The following CPT2 variants were observed in gnomAD, a reference collection of about 807,000 sequenced individuals.
CPT2 encodes the protein carnitine palmitoyltransferase 2.
In CPT2, 37 loss-of-function variants were observed where a neutral mutation model predicts 48.6. That is an observed-to-expected ratio of 0.76 (90% CI 0.59 to 1.00). The LOEUF is 1.00. Ranked by LOEUF, CPT2 falls within the 50% of genes least tolerant of loss-of-function variation. The probability of loss-of-function intolerance (pLI) is 0.00; values close to 1 mark genes in which losing one functional copy is unlikely to be tolerated. For missense variants in CPT2, 772 were observed against 825.6 expected (o/e 0.94, Z 0.80); for synonymous variants, 319 against 326.9 (o/e 0.98, Z 0.26).
rs1645324656 is a variant in CPT2, at chr1:53,196,940, G to C, written c.-4G>C. On this transcript the variant is annotated 5_prime_UTR_variant, in exon 1 of 5. Coordinates refer to ENST00000371486, the MANE Select transcript of CPT2 (RefSeq NM_000098.3). ...CGTTCTCGCCGCCGCAGGCTCCCGG[G>C]ACGATGGTGCCCCGCCTGCTGCTGC... The C allele has an allele frequency of 3.2e-6, 5 of 1,545,632 alleles. No individual in the cohort carries two copies. Among genetic ancestry groups the C allele is most frequent in the Non-Finnish European group, 4.3e-6 (5 of 1,154,722 alleles).
chr1:53,210,210 A>G lies in CPT2; in HGVS notation c.536A>G (p.Asn179Ser), dbSNP rs1645412931. 1 of 1,613,624 alleles carries G rather than the reference A, an allele frequency of 6.2e-7. No homozygotes were observed. Among genetic ancestry groups the G allele is most frequent in the Admixed American group, 1.7e-5 (1 of 59,974 alleles). ...GLLEPEVFHL[N>S]PAKSDTITFK... ...CTGGAGCCAGAAGTGTTCCACTTGA[A>G]CCCTGCAAAAAGTGACACTATCACC... Residue 179 changes from asparagine (N) to serine (S), a missense_variant, in exon 4 of 5, where the codon AAC (asparagine) becomes AGC (serine). Asn to Ser is a conservative substitution (Grantham distance 46). Coordinates refer to ENST00000371486, the MANE Select transcript of CPT2 (RefSeq NM_000098.3).
intron 3 of CPT2, among the ~76,000 whole-genome samples, chr1:53,206,672 A>G (rs1250471556): frequency 1.3e-5 from 2 of 152,156 alleles, no homozygotes; most frequent in Admixed American, 1.3e-4. Context: ...GTTTTGGCCA[A>G]TTTCTCCCTT....
intron 1 of CPT2, chr1:53,200,515 T>G: frequency 1.9e-6 from 1 of 535,160 alleles, no homozygotes; most frequent in Non-Finnish European, 3.4e-6. Context: ...TACTTAAAGA[T>G]TTAGTTGTTA....
In CPT2 at chr1:53,196,859, G is replaced by C; in HGVS notation, c.-85G>C. On this transcript the variant is annotated 5_prime_UTR_variant, in exon 1 of 5. Transcript: ENST00000371486. ...CTCAGGAGTCCTGACGCAGTGTCTT[G>C]GGCGCTAACGGCGGCGGCGGCCTTG... The C allele has an allele frequency of 6.7e-7, 1 of 1,494,670 alleles. No homozygotes were observed. The highest frequency in any genetic ancestry group is 9.0e-7 in the Non-Finnish European group (1 of 1,116,450). 92.6% of individuals were successfully genotyped at this position (1,494,670 alleles called of 1,614,324 possible). A position where few individuals can be genotyped will look rare whatever the true frequency, so the allele number is the denominator to read the frequency against.
At chr1:53,202,962 A>G (rs907923001) in intron 3 of CPT2, 1 of 165,994 alleles carries the variant, frequency 6.0e-6, no homozygotes, top group African/African-American at 2.4e-5. Flanking sequence ...TTTCCTTTCC[A>G]TTCAGAGTTG....
Position 53,210,967 on chromosome 1 carries a change from G to A in CPT2, c.1293G>A (p.Lys431=). ...TAAAGACTGGCATCACAGCTGCTAA[G>A]GAAAAGTTTGATGCCACCATGAAAA... ...DALKTGITAA[K]EKFDATMKTL... The change falls in exon 4 of 5, where the codon AAG becomes AAA. Residue 431 remains lysine, a synonymous_variant. Transcript: ENST00000371486. 6.2e-7 allele frequency: 1 copy of A among 1,614,192 alleles called. No homozygotes were observed. The highest frequency in any genetic ancestry group is 8.5e-7 in the Non-Finnish European group (1 of 1,180,034).
chr1:53,202,214 G>A lies in CPT2; in HGVS notation c.234-109G>A, dbSNP rs1645357695. On this transcript the variant is annotated intron_variant, in intron 2 of 4. Transcript: ENST00000371486. ...CTTTCTGATCTCATTCCAGGTTTTAGGGCTATGCTGTTGGGGACCCAAAAC... is the reference window on the plus strand; with the variant it reads ...CTTTCTGATCTCATTCCAGGTTTTAAGGCTATGCTGTTGGGGACCCAAAAC... The A allele has an allele frequency of 5.1e-6, 4 of 783,904 alleles. No individual in the cohort carries two copies. The African/African-American group carries it at 6.9e-5, about 13-fold the overall frequency. 48.6% of individuals were successfully genotyped at this position (783,904 alleles called of 1,614,324 possible).
chr1:53,213,489 A>ATG lies in CPT2; in HGVS notation c.1873_1874dup (p.Ser627LeufsTer19). On this transcript the variant is annotated frameshift_variant, in exon 5 of 5. Transcript: ENST00000371486. LOFTEE classifies it high-confidence loss of function. ...GTTCATGACAACTGGATAGGCTGCA[A>ATG]TGTCTCTTCCTACCCAGGCCGCAAT... 1.9e-6 allele frequency: 3 copies of ATG among 1,614,232 alleles called. No individual in the cohort carries two copies. The South Asian group carries it at 3.3e-5, about 18-fold the overall frequency.
At position 53,202,428 on chromosome 1, in the gene CPT2, G is replaced by A. The variant is rs778017005; in HGVS notation, c.339G>A (p.Ser113=). 14 of 1,611,208 alleles carry A rather than the reference G, an allele frequency of 8.7e-6. No homozygotes were observed. Among genetic ancestry groups the A allele is most frequent in the South Asian group, 3.3e-5 (3 of 91,010 alleles). ...DKQNKHTSYI[S]GPWFDMYLSA... Reference sequence around the variant, plus strand: ...AGAATAAACATACAAGCTACATTTCGGGTAGGTAGGCTGGGCTGTGGGTAT... The same window carrying A: ...AGAATAAACATACAAGCTACATTTCAGGTAGGTAGGCTGGGCTGTGGGTAT... Residue 113 remains serine (S), a splice_region_variant and synonymous_variant, in exon 3 of 5, where the codon TCG becomes TCA. Coordinates refer to ENST00000371486, the MANE Select transcript of CPT2 (RefSeq NM_000098.3).
intron 4 of CPT2, 181 bp from the exon 5 acceptor site, chr1:53,213,083 T>G: frequency 1.6e-6 from 1 of 624,016 alleles, no homozygotes; most frequent in Non-Finnish European, 2.8e-6. Context: ...CCTAAATAAT[T>G]TAAAATAATC....
chr1:53,212,616 C>T (rs150321367), intron 4 of CPT2, among the ~76,000 whole-genome samples: 1 of 152,206 alleles, frequency 6.6e-6, no homozygotes, highest in African/African-American at 2.4e-5. Flanking sequence ...AACAGGTTAT[C>T]TCAGAAGCTC....
At chr1:53,202,800 T>C (rs1645362584) in intron 3 of CPT2, 1 of 290,788 alleles carries the variant, frequency 3.4e-6, no homozygotes, top group Non-Finnish European at 6.7e-6. Flanking sequence ...CCTGACATAC[T>C]TCCTGCTAAA....
chr1:53,199,823 C>T (rs985564852), intron 1 of CPT2: 5 of 152,150 alleles, frequency 3.3e-5, no homozygotes, highest in African/African-American at 1.2e-4. Flanking sequence ...TGATGAACCA[C>T]AGTATATCTT....
intron 3 of CPT2, among the ~76,000 whole-genome samples, chr1:53,205,172 A>C (rs1336722409): frequency 6.6e-6 from 1 of 152,176 alleles, no homozygotes; most frequent in Non-Finnish European, 1.5e-5. Context: ...TTTTGACCAA[A>C]ATGCTGATAG....
In CPT2 at chr1:53,202,376, A is replaced by G. The variant is rs369596290; in HGVS notation, c.287A>G (p.His96Arg). The change falls in exon 3 of 5, where the codon CAT (histidine) becomes CGT (arginine). Residue 96 changes from histidine to arginine, a missense_variant. Physicochemically the swap from His to Arg is conservative, Grantham distance 29. Transcript: ENST00000371486. ...GAAAATGGGATTGGAAAAGAACTGCATGAGCAGCTGGTTGCTCTGGACAAA... is the reference window on the plus strand; with the variant it reads ...GAAAATGGGATTGGAAAAGAACTGCGTGAGCAGCTGGTTGCTCTGGACAAA... ...SFENGIGKEL[H>R]EQLVALDKQN... 1 of 1,614,178 alleles carries G rather than the reference A, an allele frequency of 6.2e-7. No homozygotes were observed. The highest frequency in any genetic ancestry group is 8.5e-7 in the Non-Finnish European group (1 of 1,179,982).
chr1:53,207,917 AT>A (rs1645398418), intron 3 of CPT2: 1 of 152,106 alleles, frequency 6.6e-6, no homozygotes, highest in Non-Finnish European at 1.5e-5. Flanking sequence ...TGCTGTGCAA[AT>A]CATATGATTT....
chr1:53,203,493 G>A (rs748884509), intron 3 of CPT2: 14 of 152,118 alleles, frequency 9.2e-5, no homozygotes, highest in Non-Finnish European at 1.9e-4. Context: ...CTCTTGTTTA[G>A]TTTTCTATGT....
chr1:53,211,821 A>G (rs1039367668), intron 4 of CPT2, among the ~76,000 whole-genome samples: 12 of 148,546 alleles, frequency 8.1e-5, no homozygotes, highest in African/African-American at 3.0e-4. Flanking sequence ...CTGGTCTTGA[A>G]CTCCTGACCT....
intron 3 of CPT2, among the ~76,000 whole-genome samples, chr1:53,205,657 TCC>T (rs755370822): frequency 1.3e-5 from 2 of 152,214 alleles, no homozygotes; most frequent in Non-Finnish European, 2.9e-5. Flanking sequence ...CAGTAGCCCC[TCC>T]CAGCATAGGC....
Sources: gnomAD v4.1 joint callset for allele counts (sites outside exome capture counted in the v4.1 genomes callset) on GRCh38, gnomAD v4.1.1 for gene constraint, MANE v1.5 for transcripts, NCBI Gene and HGNC (gene_info 2026-07-23, HGNC 2026-07-21) for gene names.